The following TNFRSF10B variants were observed in gnomAD, a reference collection of about 807,000 sequenced individuals.
The protein encoded by TNFRSF10B is tumor necrosis factor receptor superfamily member 10B.
TNFRSF10B carries 35 observed loss-of-function variants against 41.4 expected under a neutral mutation model. The ratio of observed to expected loss-of-function variants is 0.85; its 90% CI spans 0.65 to 1.12. The LOEUF (loss-of-function observed/expected upper bound fraction) is 1.12. Among genes scored for constraint, TNFRSF10B ranks in the 50% most tolerant of loss-of-function variants. The pLI is 0.00. For missense variants in TNFRSF10B, 584 were observed against 552.7 expected (o/e 1.06, Z -0.57); for synonymous variants, 230 against 215.5 (o/e 1.07, Z -0.59).
At chr8:23,060,128 G>A (rs148225876) in intron 1 of TNFRSF10B, among the ~76,000 whole-genome samples, 88 of 151,780 alleles carry the variant, frequency 5.8e-4, no homozygotes, top group African/African-American at 2.0e-3. Context: ...TGATTCACAA[G>A]AGTTACTGAT....
Position 23,022,144 on chromosome 8 carries a change from C to T in TNFRSF10B, c.*527G>A, listed in dbSNP as rs1811547542. ...GCGTGGTGGTGCACACCTGTGGTCC[C>T]AGCTATTTGGATGGCTGAGGTGGGA... On this transcript the variant is annotated 3_prime_UTR_variant, in exon 9 of 9. Transcript: ENST00000276431. 4.5e-6 allele frequency: 2 copies of T among 445,918 alleles called. No individual in the cohort carries two copies. The highest frequency in any genetic ancestry group is 2.0e-5 in the African/African-American group (1 of 49,846). The allele number at this position is 445,918 out of a possible 1,614,324, so 27.6% of individuals were successfully genotyped here.
chr8:23,064,803 A>G (rs1216293030), intron 1 of TNFRSF10B, among the ~76,000 whole-genome samples: 3 of 152,374 alleles, frequency 2.0e-5, no homozygotes, highest in East Asian at 3.9e-4. Flanking sequence ...CAGTTCCTGC[A>G]TAGGTTGTTG....
rs745589057 is a variant in TNFRSF10B, at chr8:23,043,121, AC to A, written c.250+16del. 5 of 1,608,956 alleles carry A rather than the reference AC, an allele frequency of 3.1e-6. No individual in the cohort carries two copies. In the Admixed American group the frequency reaches 8.3e-5, roughly 27 times the overall value. ...AGGGGAGGAGGGGCAAGGATTAGAG[AC>A]CCATCTTGAACATACCAGGTGGACA... is the stretch of plus-strand genomic sequence containing the variant. On this transcript the variant is annotated intron_variant, in intron 2 of 8. Coordinates refer to ENST00000276431, the MANE Select transcript of TNFRSF10B (RefSeq NM_003842.5).
At chr8:23,053,998 AC>A (rs1812593647) in intron 1 of TNFRSF10B, among the ~76,000 whole-genome samples, 1 of 152,204 alleles carries the variant, frequency 6.6e-6, no homozygotes, top group Non-Finnish European at 1.5e-5. Context: ...GGTAACAGAT[AC>A]CCTTGTCATC....
At chr8:23,051,780 T>C (rs1187644810) in intron 1 of TNFRSF10B, among the ~76,000 whole-genome samples, 1 of 152,130 alleles carries the variant, frequency 6.6e-6, no homozygotes, top group Non-Finnish European at 1.5e-5. Flanking sequence ...CCTGACCTTC[T>C]GATCCGCCCA....
intron 1 of TNFRSF10B, among the ~76,000 whole-genome samples, chr8:23,059,922 T>C (rs889611193): frequency 2.0e-5 from 3 of 152,254 alleles, no homozygotes; most frequent in African/African-American, 7.2e-5. Flanking sequence ...CATATACTTA[T>C]TGACCATTTG....
intron 2 of TNFRSF10B, among the ~76,000 whole-genome samples, chr8:23,037,214 C>A (rs942378207): frequency 1.3e-5 from 2 of 152,132 alleles, no homozygotes; most frequent in Non-Finnish European, 2.9e-5. Flanking sequence ...TCAATGGGCT[C>A]ATGAACAAAG....
intron 1 of TNFRSF10B, among the ~76,000 whole-genome samples, chr8:23,061,061 T>C (rs1327348627): frequency 1.3e-5 from 2 of 152,168 alleles, no homozygotes; most frequent in Non-Finnish European, 2.9e-5. Flanking sequence ...CAATTACCCA[T>C]AACCATGTAG....
Position 23,040,149 on chromosome 8 carries a change from C to T in TNFRSF10B, c.250+2989G>A, listed in dbSNP as rs527985290. On this transcript the variant is annotated intron_variant, in intron 2 of 8. Transcript: ENST00000276431. ...TGAGCTGAGATCGCACCACTGCACT[C>T]CAGCCTGGGTGACAGAGCAGACCCT... 7.9e-4 allele frequency among the ~76,000 whole-genome samples: 119 copies of T among 150,566 alleles called. 1 individual carries two copies. The highest frequency in any genetic ancestry group is 2.7e-3 in the African/African-American group (111 of 40,986).
chr8:23,066,690 G>C (rs1380587547), intron 1 of TNFRSF10B, among the ~76,000 whole-genome samples: 1 of 151,918 alleles, frequency 6.6e-6, no homozygotes, highest in South Asian at 2.1e-4. Flanking sequence ...GGCAGATCAC[G>C]AGCCAGACCA....
At chr8:23,023,063 C>G (rs1449641666) in intron 8 of TNFRSF10B, 79 bp from the exon 9 acceptor site, 2 of 1,550,234 alleles carry the variant, frequency 1.3e-6, no homozygotes, top group Non-Finnish European at 1.7e-6. Flanking sequence ...GGCCCAGAAC[C>G]CAAGGCGGGG....
chr8:23,046,422 A>G (rs1812360312), intron 1 of TNFRSF10B, among the ~76,000 whole-genome samples: 1 of 152,144 alleles, frequency 6.6e-6, no homozygotes, highest in Non-Finnish European at 1.5e-5. Flanking sequence ...TAATGAACAA[A>G]ACAGAAGAGA....
chr8:23,049,039 T>C (rs1367134859), intron 1 of TNFRSF10B, among the ~76,000 whole-genome samples: 2 of 152,198 alleles, frequency 1.3e-5, no homozygotes, highest in Non-Finnish European at 2.9e-5. Flanking sequence ...ACGTCTACTA[T>C]ATTAAAAACA....
rs1178967845 is a variant in TNFRSF10B, at chr8:23,041,064, GTT to G, written c.250+2072_250+2073del. Among the ~76,000 whole-genome samples the G allele has an allele frequency of 6.9e-3, 77 of 11,082 alleles. 1 individual carries two copies. Among genetic ancestry groups the G allele is most frequent in the Admixed American group, 0.014 (11 of 798 alleles). The allele number at this position is 11,082 out of a possible 152,430, so 7.3% of individuals were successfully genotyped here. Reference sequence around the variant, plus strand: ...GATATATGATAATTTTTTTTTTGTTGTTTTTTTTTTTTGAGACAGGGTCTCAC... The same window carrying G: ...GATATATGATAATTTTTTTTTTGTTGTTTTTTTTTTGAGACAGGGTCTCAC... On this transcript the variant is annotated intron_variant, in intron 2 of 8. Transcript: ENST00000276431.
At chr8:23,043,629 G>A (rs563692682) in intron 1 of TNFRSF10B, among the ~76,000 whole-genome samples, 2 of 152,026 alleles carry the variant, frequency 1.3e-5, no homozygotes, top group East Asian at 3.9e-4. Flanking sequence ...CTCTCACACA[G>A]ACATACACAC....
At chr8:23,054,069 C>T (rs1812596338) in intron 1 of TNFRSF10B, among the ~76,000 whole-genome samples, 1 of 152,172 alleles carries the variant, frequency 6.6e-6, no homozygotes, top group African/African-American at 2.4e-5. Context: ...TAATTGTTGT[C>T]TGTCTTGTTT....
rs374938491 is a variant in TNFRSF10B, at chr8:23,022,991, G to A, written c.1010-7C>T. ...TCGAAGCACTGTCTCAGAGCTGGTGGAGAAAGCCACAGAGACAGCCAGGTG... is the reference window on the plus strand; with the variant it reads ...TCGAAGCACTGTCTCAGAGCTGGTGAAGAAAGCCACAGAGACAGCCAGGTG... On this transcript the variant is annotated splice_region_variant and splice_polypyrimidine_tract_variant and intron_variant, in intron 8 of 8. Transcript: ENST00000276431. The A allele has an allele frequency of 8.7e-6, 14 of 1,609,478 alleles. No individual in the cohort carries two copies. The highest frequency in any genetic ancestry group is 1.1e-5 in the Non-Finnish European group (13 of 1,179,988).
chr8:23,034,054 T>A (rs146126078), intron 2 of TNFRSF10B, among the ~76,000 whole-genome samples: 11 of 152,346 alleles, frequency 7.2e-5, no homozygotes, highest in African/African-American at 2.6e-4. Context: ...TATTTACTTA[T>A]ATGATTTAAA....
intron 1 of TNFRSF10B, among the ~76,000 whole-genome samples, chr8:23,047,825 A>ATTATATGCT (rs1003392647): frequency 3.3e-5 from 5 of 152,212 alleles, no homozygotes; most frequent in African/African-American, 1.2e-4. Flanking sequence ...AAATAGAATT[A>ATTATATGCT]TTATATGCTC....
Sources: gnomAD v4.1 joint callset for allele counts (sites outside exome capture counted in the v4.1 genomes callset) on GRCh38, gnomAD v4.1.1 for gene constraint, MANE v1.5 for transcripts, NCBI Gene and HGNC (gene_info 2026-07-23, HGNC 2026-07-21) for gene names.